The following CADPS2 variants were observed in gnomAD, a reference collection of about 807,000 sequenced individuals.
CADPS2 encodes calcium-dependent secretion activator 2.
In CADPS2, 93 loss-of-function variants were observed where a neutral mutation model predicts 172.5. The ratio of observed to expected loss-of-function variants is 0.54; its 90% CI spans 0.46 to 0.64. CADPS2 has a LOEUF of 0.64. Ranked by LOEUF, CADPS2 falls within the 30% of genes least tolerant of loss-of-function variation. The pLI is 0.00. For synonymous variants in CADPS2, 546 were observed against 555.2 expected, an observed-to-expected ratio of 0.98 and a Z score of 0.23; for missense variants, 1,420 against 1,565.9, an observed-to-expected ratio of 0.91 and a Z score of 1.57.
intron 1 of CADPS2, among the ~76,000 whole-genome samples, chr7:122,744,526 A>G (rs995454652): frequency 3.3e-5 from 5 of 152,328 alleles, no homozygotes; most frequent in African/African-American, 1.2e-4. Context: ...CTTATCCAAT[A>G]AACTTGCCCC....
rs73717668 is a variant in CADPS2, at chr7:122,520,044, A to C, written c.1476-6729T>G. Among the ~76,000 whole-genome samples, 1,189 of 152,160 alleles carry C rather than the reference A, an allele frequency of 7.8e-3. 16 individuals carry two copies. Among genetic ancestry groups the C allele is most frequent in the African/African-American group, 0.028 (1,149 of 41,556 alleles). On this transcript the variant is annotated intron_variant, in intron 8 of 29. Transcript: ENST00000449022. ...ATTCTTAAAAGAGTCAACTATTAATAAGGTAGCTGGAAGATAACACCACAA... is the reference window on the plus strand; with the variant it reads ...ATTCTTAAAAGAGTCAACTATTAATCAGGTAGCTGGAAGATAACACCACAA...
intron 2 of CADPS2, among the ~76,000 whole-genome samples, chr7:122,674,616 C>T (rs1486286770): frequency 6.6e-6 from 1 of 152,220 alleles, no homozygotes; most frequent in East Asian, 1.9e-4. Flanking sequence ...CTAAACAAGG[C>T]TTCAAACATA....
intron 2 of CADPS2, among the ~76,000 whole-genome samples, chr7:122,720,327 T>C (rs553113095): frequency 4.7e-4 from 72 of 152,042 alleles, no homozygotes; most frequent in African/African-American, 1.7e-3. Context: ...GAAAATAGTA[T>C]TAATGCTGTA....
intron 2 of CADPS2, among the ~76,000 whole-genome samples, chr7:122,690,749 C>A (rs967173557): frequency 1.3e-5 from 2 of 152,178 alleles, no homozygotes; most frequent in Non-Finnish European, 2.9e-5. Context: ...TGCCCAGCTA[C>A]AGCTGCAGAT....
Position 122,360,734 on chromosome 7 carries a change from A to AT in CADPS2, c.3504+53dup, listed in dbSNP as rs143500261. 10,285 of 1,471,020 alleles carry AT rather than the reference A, an allele frequency of 7.0e-3. 505 individuals are homozygous for AT. The African/African-American group carries it at 0.13, about 18-fold the overall frequency. 91.1% of individuals were successfully genotyped at this position (1,471,020 alleles called of 1,614,324 possible). ...TGAAATAAACCCATGATGAACTGCA[A>AT]TTTTTTTTTAAAGAATTCCATACAG... is the stretch of plus-strand genomic sequence containing the variant. On this transcript the variant is annotated intron_variant, in intron 27 of 29. Coordinates refer to ENST00000449022, the MANE Select transcript of CADPS2 (RefSeq NM_017954.11).
intron 6 of CADPS2, among the ~76,000 whole-genome samples, chr7:122,585,244 T>C (rs777148579): frequency 6.6e-5 from 10 of 150,796 alleles, no homozygotes; most frequent in Non-Finnish European, 1.5e-4. Context: ...TCCTGGAAAG[T>C]TGGGATTTAT....
intron 9 of CADPS2, among the ~76,000 whole-genome samples, chr7:122,496,633 A>T (rs2130119358): frequency 6.6e-6 from 1 of 152,194 alleles, no homozygotes; most frequent in East Asian, 1.9e-4. Flanking sequence ...TGTTGGAGCT[A>T]CTTAGAAGTA....
intron 2 of CADPS2, chr7:122,702,810 G>C (rs1420358737): frequency 7.9e-6 from 10 of 1,271,144 alleles, no homozygotes; most frequent in African/African-American, 1.5e-5. Flanking sequence ...AGTTGTAGAA[G>C]AACATAAAGA....
chr7:122,721,804 C>A (rs1330759429), intron 2 of CADPS2, among the ~76,000 whole-genome samples: 1 of 152,106 alleles, frequency 6.6e-6, no homozygotes, highest in Non-Finnish European at 1.5e-5. Context: ...AAAATACTGG[C>A]AAACTGAATC....
intron 25 of CADPS2, among the ~76,000 whole-genome samples, chr7:122,375,830 A>C (rs2042272423): frequency 6.6e-6 from 1 of 152,068 alleles, no homozygotes; most frequent in Non-Finnish European, 1.5e-5. Context: ...GGCAACCTAC[A>C]AAATGGGAGG....
At chr7:122,804,867 C>T (rs1220335685) in intron 1 of CADPS2, among the ~76,000 whole-genome samples, 1 of 152,056 alleles carries the variant, frequency 6.6e-6, no homozygotes, top group East Asian at 1.9e-4. Context: ...TTTCTAATAC[C>T]ATATACTTAA....
chr7:122,605,540 T>A (rs2073409170), intron 6 of CADPS2, among the ~76,000 whole-genome samples: 1 of 152,142 alleles, frequency 6.6e-6, no homozygotes, highest in African/African-American at 2.4e-5. Context: ...TTCATTGAAC[T>A]CCTTACTTTG....
At chr7:122,645,877 T>C (rs2078496271) in intron 3 of CADPS2, among the ~76,000 whole-genome samples, 1 of 150,808 alleles carries the variant, frequency 6.6e-6, no homozygotes, top group Non-Finnish European at 1.5e-5. Context: ...GAAATATTCT[T>C]TAGTATTTCA....
At chr7:122,816,096 C>T (rs1292487684) in intron 1 of CADPS2, among the ~76,000 whole-genome samples, 1 of 152,036 alleles carries the variant, frequency 6.6e-6, no homozygotes, top group Non-Finnish European at 1.5e-5. Flanking sequence ...CCTTATCATG[C>T]TACTGAACAT....
intron 29 of CADPS2, among the ~76,000 whole-genome samples, chr7:122,323,873 TTATATATATATATATATATATATA>T (rs71159788): frequency 0.016 from 1,849 of 112,512 alleles, 68 homozygotes; most frequent in African/African-American, 0.064. Context: ...TATGTATATT[TTATATATATATATATATATATATA>T]TATATATATA....
At chr7:122,734,031 G>T (rs1288678625) in intron 2 of CADPS2, among the ~76,000 whole-genome samples, 1 of 151,838 alleles carries the variant, frequency 6.6e-6, no homozygotes, top group Non-Finnish European at 1.5e-5. Flanking sequence ...AAATTCAGAT[G>T]TTGAAGCCCC....
rs1335197541 is a variant in CADPS2 at position 122,615,313 on chromosome 7, G to C, written c.1105-14C>G. On this transcript the variant is annotated splice_polypyrimidine_tract_variant and intron_variant, in intron 5 of 29. Coordinates refer to ENST00000449022, the MANE Select transcript of CADPS2 (RefSeq NM_017954.11). Reference sequence around the variant, plus strand: ...CATTATGACAATCTAAAGATAAAATGATTTTAAAATAATGCATCAAGTTGA... The same window carrying C: ...CATTATGACAATCTAAAGATAAAATCATTTTAAAATAATGCATCAAGTTGA... 8.1e-6 allele frequency: 12 copies of C among 1,477,000 alleles called. No individual in the cohort carries two copies. The allele number at this position is 1,477,000 out of a possible 1,614,324, so 91.5% of individuals were successfully genotyped here.
chr7:122,869,565 T>C (rs1819213920), intron 1 of CADPS2, among the ~76,000 whole-genome samples: 2 of 148,372 alleles, frequency 1.3e-5, no homozygotes. Context: ...AGACCTGCTT[T>C]ACAAAAAAAA....
intron 8 of CADPS2, among the ~76,000 whole-genome samples, chr7:122,515,226 G>A (rs1218526676): frequency 6.6e-6 from 1 of 152,116 alleles, no homozygotes; most frequent in Non-Finnish European, 1.5e-5. Flanking sequence ...CTTGTGGATG[G>A]AATGTGAATT....
Sources: allele counts gnomAD v4.1 joint callset (sites outside exome capture counted in the v4.1 genomes callset), GRCh38; gene constraint gnomAD v4.1.1; transcripts MANE v1.5; gene names NCBI Gene and HGNC (gene_info 2026-07-23, HGNC 2026-07-21).